Variants in UBXN4 observed in about 807,000 individuals in gnomAD.
The protein encoded by UBXN4 is UBX domain-containing protein 4.
A neutral mutation model predicts 66.2 loss-of-function variants in UBXN4; 35 were observed. The observed-to-expected ratio is 0.53, with a 90% CI of 0.40 to 0.70. The LOEUF (loss-of-function observed/expected upper bound fraction) is 0.70. Among genes scored for constraint, UBXN4 ranks in the 30% least tolerant of loss-of-function variants. UBXN4 has a pLI of 0.00. For missense variants in UBXN4, 533 were observed against 599.8 expected (o/e 0.89, Z 1.16); for synonymous variants, 203 against 204.5 (o/e 0.99, Z 0.06).
intron 9 of UBXN4, among the ~76,000 whole-genome samples, chr2:135,774,341 T>C (rs2077399862): frequency 6.6e-6 from 1 of 152,082 alleles, no homozygotes; most frequent in African/African-American, 2.4e-5. Flanking sequence ...CCTCACACCA[T>C]GTACAAAATT....
rs149687609 is a variant in UBXN4 at position 135,772,323 on chromosome 2, T to G, written c.823-97T>G. The G allele has an allele frequency of 3.4e-4, 498 of 1,460,968 alleles. 2 individuals are homozygous for G. In the African/African-American group the frequency reaches 6.6e-3, roughly 19 times the overall value. The allele number at this position is 1,460,968 out of a possible 1,614,324, so 90.5% of individuals were successfully genotyped here. A position where few individuals can be genotyped will look rare whatever the true frequency, so the allele number is the denominator to read the frequency against. ...TGATGACACAGCAAGACCCTGTCTC[T>G]TAATAAAAAAAAAAAATTCCATGCA... On this transcript the variant is annotated intron_variant, in intron 8 of 12. Transcript: ENST00000272638.
At chr2:135,774,031 A>G (rs1419865326) in intron 9 of UBXN4, among the ~76,000 whole-genome samples, 1 of 152,218 alleles carries the variant, frequency 6.6e-6, no homozygotes, top group Non-Finnish European at 1.5e-5. Flanking sequence ...TTATAAACCT[A>G]AAATTCATAT....
chr2:135,752,728 C>G (rs2077251763), intron 2 of UBXN4, among the ~76,000 whole-genome samples: 2 of 152,026 alleles, frequency 1.3e-5, no homozygotes, highest in South Asian at 4.1e-4. Flanking sequence ...GCAAATAGTT[C>G]TTTCTCTTTT....
intron 1 of UBXN4, among the ~76,000 whole-genome samples, chr2:135,742,938 T>C (rs557647620): frequency 6.6e-6 from 1 of 152,224 alleles, no homozygotes; most frequent in Non-Finnish European, 1.5e-5. Context: ...TCTCTGTTGC[T>C]CTAGGCTATT....
chr2:135,775,914 T>C (rs2077411894), intron 9 of UBXN4, among the ~76,000 whole-genome samples: 1 of 152,138 alleles, frequency 6.6e-6, no homozygotes, highest in African/African-American at 2.4e-5. Context: ...ATTACAGGCA[T>C]ACACCACCAT....
chr2:135,764,596 G>A (rs1248868730), intron 6 of UBXN4, among the ~76,000 whole-genome samples: 2 of 150,056 alleles, frequency 1.3e-5, no homozygotes, highest in Admixed American at 6.6e-5. Flanking sequence ...TCTGACTCCC[G>A]GGTTCCAGCG....
In UBXN4 at chr2:135,761,866, G is replaced by T. The variant is rs906408028; in HGVS notation, c.557G>T (p.Cys186Phe). Residue 186 changes from cysteine to phenylalanine, a missense_variant, in exon 6 of 13, where the codon TGC (cysteine) becomes TTC (phenylalanine). Cys to Phe is a radical substitution (Grantham distance 205). This residue lies in a region of UBXN4 where 529 missense variants were observed against 580.1 expected (regional missense o/e 0.91). Coordinates refer to ENST00000272638, the MANE Select transcript of UBXN4 (RefSeq NM_014607.4). ...ACTTCCTCTCAGGAGCCTAGTGGATGCTCAGATCAGAGACCTGCAGAGGAC... is the reference window on the plus strand; with the variant it reads ...ACTTCCTCTCAGGAGCCTAGTGGATTCTCAGATCAGAGACCTGCAGAGGAC... ...HATSSQEPSG[C>F]SDQRPAEDLN... 1.2e-6 allele frequency: 2 copies of T among 1,613,604 alleles called. No individual in the cohort carries two copies. The highest frequency in any genetic ancestry group is 1.7e-6 in the Non-Finnish European group (2 of 1,179,906).
intron 6 of UBXN4, among the ~76,000 whole-genome samples, chr2:135,764,908 A>G (rs1260566836): frequency 6.6e-6 from 1 of 152,144 alleles, no homozygotes; most frequent in East Asian, 1.9e-4. Flanking sequence ...TCCTCCACCC[A>G]GTTCAAGTGG....
intron 8 of UBXN4, among the ~76,000 whole-genome samples, chr2:135,771,145 T>G (rs534882205): frequency 6.6e-6 from 1 of 152,226 alleles, no homozygotes; most frequent in African/African-American, 2.4e-5. Flanking sequence ...AAAGCTTAGT[T>G]TGCAACAATT....
At chr2:135,770,142 G>A (rs1056172454) in intron 7 of UBXN4, among the ~76,000 whole-genome samples, 1 of 152,122 alleles carries the variant, frequency 6.6e-6, no homozygotes. Context: ...GTGAAAAAAT[G>A]TATAGACATT....
At chr2:135,757,624 C>T (rs2077286144) in intron 5 of UBXN4, among the ~76,000 whole-genome samples, 1 of 152,034 alleles carries the variant, frequency 6.6e-6, no homozygotes, top group South Asian at 2.1e-4. Context: ...TGGATTGTAT[C>T]TTGTACATTG....
chr2:135,772,702 G>T (rs144519804), intron 9 of UBXN4, among the ~76,000 whole-genome samples, 155 bp downstream of exon 9: 1 of 152,138 alleles, frequency 6.6e-6, no homozygotes, highest in South Asian at 2.1e-4. Flanking sequence ...CTCTCATTTC[G>T]TGTGAGTGTA....
At chr2:135,758,131 A>G (rs562677366) in intron 5 of UBXN4, among the ~76,000 whole-genome samples, 5 of 150,506 alleles carry the variant, frequency 3.3e-5, no homozygotes, top group East Asian at 2.0e-4. Flanking sequence ...CTGGAGTGCA[A>G]TGGCACAATC....
chr2:135,756,969 C>T (rs2077282130), intron 5 of UBXN4, among the ~76,000 whole-genome samples: 1 of 152,190 alleles, frequency 6.6e-6, no homozygotes, highest in South Asian at 2.1e-4. Flanking sequence ...TTTTCTCTGG[C>T]TGCTTTCAGG....
chr2:135,776,168 C>A, intron 9 of UBXN4, 81 bp from the exon 10 acceptor site: 1 of 1,185,484 alleles, frequency 8.4e-7, no homozygotes, highest in Non-Finnish European at 1.2e-6. Flanking sequence ...CACATTTCCA[C>A]TTCCATTTTC....
intron 1 of UBXN4, 59 bp downstream of exon 1, chr2:135,742,070 T>C (rs1288971181): frequency 5.1e-6 from 8 of 1,579,246 alleles, no homozygotes; most frequent in Non-Finnish European, 6.0e-6. Flanking sequence ...ACCTTCATCC[T>C]CTTGTATACC....
intron 6 of UBXN4, among the ~76,000 whole-genome samples, chr2:135,767,098 C>T (rs1006010251): frequency 1.3e-5 from 2 of 152,062 alleles, no homozygotes; most frequent in East Asian, 1.9e-4. Context: ...TGGTGGCTCA[C>T]GCCTGTAATC....
chr2:135,775,810 A>G (rs1036280185), intron 9 of UBXN4, among the ~76,000 whole-genome samples: 5 of 152,220 alleles, frequency 3.3e-5, no homozygotes, highest in Admixed American at 2.6e-4. Context: ...TCTATTGCCT[A>G]GGCTGGAGTG....
chr2:135,766,706 G>A (rs571462524), intron 6 of UBXN4, among the ~76,000 whole-genome samples: 1 of 152,310 alleles, frequency 6.6e-6, no homozygotes, highest in Non-Finnish European at 1.5e-5. Flanking sequence ...AATATGAGAT[G>A]TATGCATTAT....
Sources: gnomAD v4.1 joint callset for allele counts (sites outside exome capture counted in the v4.1 genomes callset) on GRCh38, gnomAD v4.1.1 for gene constraint, gnomAD v4.1.1 regional missense constraint, MANE v1.5 for transcripts, NCBI Gene and HGNC (gene_info 2026-07-23, HGNC 2026-07-21) for gene names.